The following POLR3K variants were observed in gnomAD, a reference collection of about 807,000 sequenced individuals.
POLR3K encodes RNA polymerase III subunit K, also known as DNA-directed RNA polymerase III subunit RPC10.
A neutral mutation model predicts 13.5 loss-of-function variants in POLR3K; 11 were observed. The observed-to-expected ratio is 0.81, with a 90% CI of 0.51 to 1.35. The LOEUF (loss-of-function observed/expected upper bound fraction) is 1.35. POLR3K is among the 40% of genes most tolerant of loss of function. The pLI is 0.00. For missense variants in POLR3K, 144 were observed against 145.3 expected (o/e 0.99, Z 0.05); for synonymous variants, 56 against 51.5 (o/e 1.09, Z -0.38).
intron 1 of POLR3K, 27 bp from the exon 2 acceptor site, chr16:51,672 A>G: frequency 6.3e-7 from 1 of 1,581,942 alleles, no homozygotes. Context: ...TTCAGACTCC[A>G]AGTAACTGAA....
chr16:50,943 G>A (rs1486947119), intron 2 of POLR3K, among the ~76,000 whole-genome samples: 5 of 152,194 alleles, frequency 3.3e-5, no homozygotes, highest in African/African-American at 9.6e-5. Flanking sequence ...GTGCGAGCAG[G>A]GGAAACGCAA....
At chr16:48,385 T>C (rs73493067) in intron 2 of POLR3K, among the ~76,000 whole-genome samples, 1,642 of 152,290 alleles carry the variant, frequency 0.011, 30 homozygotes, top group African/African-American at 0.037. Flanking sequence ...GAAGGCTGGT[T>C]GGAAACGTAA....
chr16:50,617 G>T (rs1282437948), intron 2 of POLR3K, among the ~76,000 whole-genome samples: 3 of 151,876 alleles, frequency 2.0e-5, no homozygotes, highest in African/African-American at 7.3e-5. Context: ...CTGCCTCCTG[G>T]GTTCAAGCAA....
rs139574894 is a variant in POLR3K, at chr16:51,584, G to T, written c.173C>A (p.Ala58Asp). 1 of 1,613,892 alleles carries T rather than the reference G, an allele frequency of 6.2e-7. No homozygotes were observed. Among genetic ancestry groups the T allele is most frequent in the African/African-American group, 1.3e-5 (1 of 74,886 alleles). The part of the protein sequence containing the change: ...EVDDVLGGAA[A>D]WENVDSTAES... ...TGCAGTAGAGTCAACATTCTCCCAG[G>T]CAGCTGCTCCACCAAGCACATCATC... Residue 58 changes from alanine (A) to aspartate (D), a missense_variant, in exon 2 of 3, where the codon GCC becomes GAC. By Grantham distance (126) the Ala-to-Asp change is moderately radical (BLOSUM62 -2). Coordinates refer to ENST00000293860, the MANE Select transcript of POLR3K (RefSeq NM_016310.5).
chr16:51,689 A>T, intron 1 of POLR3K, 44 bp from the exon 2 acceptor site: 2 of 1,522,622 alleles, frequency 1.3e-6, no homozygotes, highest in Non-Finnish European at 1.8e-6. Context: ...TGAATAGCGC[A>T]AACCTGGGCT....
Position 51,813 on chromosome 16 carries a change from G to A in POLR3K, c.112-168C>T, listed in dbSNP as rs191798198. On this transcript the variant is annotated intron_variant, in intron 1 of 2. Coordinates refer to ENST00000293860, the MANE Select transcript of POLR3K (RefSeq NM_016310.5). The stretch of plus-strand genomic sequence containing the variant: ...AGACGGGCGGATCACGAGGTCAAGA[G>A]ATCGAGACCATCCTGGCTAACACGG... The A allele has an allele frequency of 1.7e-4, 95 of 557,126 alleles. 1 individual carries two copies. The highest frequency in any genetic ancestry group is 9.6e-4 in the Middle Eastern group (2 of 2,074). The allele number at this position is 557,126 out of a possible 1,614,324, so 34.5% of individuals were successfully genotyped here.
intron 2 of POLR3K, among the ~76,000 whole-genome samples, chr16:48,955 C>T (rs1897307798): frequency 6.7e-6 from 1 of 149,706 alleles, no homozygotes; most frequent in African/African-American, 2.5e-5. Context: ...AGGTCAAGAC[C>T]AGCCTAGCCA....
chr16:52,519 C>A (rs1229988714), intron 1 of POLR3K, among the ~76,000 whole-genome samples: 1 of 142,048 alleles, frequency 7.0e-6, no homozygotes, highest in African/African-American at 2.6e-5. Flanking sequence ...CCTGTAATCC[C>A]AGCACTTTGG....
chr16:53,129 C>G (rs1158847645), intron 1 of POLR3K: 18 of 264,412 alleles, frequency 6.8e-5, no homozygotes, highest in Non-Finnish European at 1.3e-4. Flanking sequence ...ACCTGGTAGG[C>G]CCTGGGAGAA....
At chr16:52,621 C>T (rs1397896659) in intron 1 of POLR3K, among the ~76,000 whole-genome samples, 1 of 150,940 alleles carries the variant, frequency 6.6e-6, no homozygotes, top group African/African-American at 2.4e-5. Flanking sequence ...AAAAAATCAG[C>T]CAGGGGTGGT....
Position 46,517 on chromosome 16 carries a change from G to A in POLR3K, c.*913C>T, listed in dbSNP as rs1351790884. On this transcript the variant is annotated 3_prime_UTR_variant, in exon 3 of 3. Transcript: ENST00000293860. ...AGGCAGACAGATTATCTGAGGTCAGGAGTTGGAGACCAGCCCGACCAACAT... is the reference window on the plus strand; with the variant it reads ...AGGCAGACAGATTATCTGAGGTCAGAAGTTGGAGACCAGCCCGACCAACAT... The A allele has an allele frequency of 6.6e-6, 1 of 152,130 alleles. No individual in the cohort carries two copies. The allele number at this position is 152,130 out of a possible 1,614,324, so 9.4% of individuals were successfully genotyped here.
Position 51,606 on chromosome 16 carries a change from C to T in POLR3K, c.151G>A (p.Asp51Asn), listed in dbSNP as rs765211368. ...RKYPKLKEVD[D>N]VLGGAAAWEN... ...CAGGCAGCTGCTCCACCAAGCACATCATCCACTTCTTTCAGTTTTGGGTAC... is the reference window on the plus strand; with the variant it reads ...CAGGCAGCTGCTCCACCAAGCACATTATCCACTTCTTTCAGTTTTGGGTAC... Residue 51 changes from aspartate to asparagine, a missense_variant, in exon 2 of 3, where the codon GAT becomes AAT. Physicochemically the swap from Asp to Asn is conservative, Grantham distance 23. Transcript: ENST00000293860. 6.2e-7 allele frequency: 1 copy of T among 1,614,072 alleles called. No individual in the cohort carries two copies. The highest frequency in any genetic ancestry group is 8.5e-7 in the Non-Finnish European group (1 of 1,180,022).
Position 53,502 on chromosome 16 carries a change from G to C in POLR3K, c.85C>G (p.Pro29Ala). ...RCHRFACNTC[P>A]YVHNITRKVT... ...TTGCGGGTGATGTTGTGCACGTAGGGGCACGTGTTGCAGGCGAAGCGGTGG... is the reference window on the plus strand; with the variant it reads ...TTGCGGGTGATGTTGTGCACGTAGGCGCACGTGTTGCAGGCGAAGCGGTGG... The change falls in exon 1 of 3, where the codon CCC becomes GCC. Residue 29 changes from proline to alanine, a missense_variant. Coordinates refer to ENST00000293860, the MANE Select transcript of POLR3K (RefSeq NM_016310.5). 6.2e-7 allele frequency: 1 copy of C among 1,612,860 alleles called. No homozygotes were observed. The highest frequency in any genetic ancestry group is 2.2e-5 in the East Asian group (1 of 44,690).
intron 1 of POLR3K, among the ~76,000 whole-genome samples, chr16:52,635 G>T (rs1288594327): frequency 6.7e-6 from 1 of 149,046 alleles, no homozygotes; most frequent in Non-Finnish European, 1.5e-5. Context: ...GGGTGGTGGC[G>T]GACGCCTGTA....
intron 1 of POLR3K, 167 bp downstream of exon 1, chr16:53,309 T>C (rs1897360057): frequency 7.7e-7 from 1 of 1,296,246 alleles, no homozygotes; most frequent in Non-Finnish European, 1.0e-6. Flanking sequence ...TGGGGCTTTC[T>C]GAGTGTATTG....
chr16:53,599 C>T lies in POLR3K; in HGVS notation c.-13G>A, dbSNP rs757760786. The T allele has an allele frequency of 7.5e-6, 12 of 1,603,084 alleles. No individual in the cohort carries two copies. Among genetic ancestry groups the T allele is most frequent in the Non-Finnish European group, 1.0e-5 (12 of 1,175,094 alleles). The stretch of plus-strand genomic sequence containing the variant: ...AGAACAGCAGCATGGTCTCGAACTC[C>T]GCAGGCTCCAACTCCCGGCAGCTCC... On this transcript the variant is annotated 5_prime_UTR_variant, in exon 1 of 3. Transcript: ENST00000293860.
chr16:50,460 G>A (rs1032415987), intron 2 of POLR3K, among the ~76,000 whole-genome samples: 3 of 152,146 alleles, frequency 2.0e-5, no homozygotes, highest in South Asian at 2.1e-4. Context: ...TATTAGAAGC[G>A]TGTATTAGTC....
At chr16:49,738 C>A (rs1449831454) in intron 2 of POLR3K, among the ~76,000 whole-genome samples, 1 of 151,404 alleles carries the variant, frequency 6.6e-6, no homozygotes, top group African/African-American at 2.4e-5. Flanking sequence ...CTCACAGGTT[C>A]AAGCGATTCT....
At chr16:49,617 G>A (rs559586283) in intron 2 of POLR3K, among the ~76,000 whole-genome samples, 24 of 150,758 alleles carry the variant, frequency 1.6e-4, no homozygotes, top group Non-Finnish European at 2.4e-4. Context: ...CTACAGGCAC[G>A]CGCCACTGAG....
Sources: allele counts gnomAD v4.1 joint callset (sites outside exome capture counted in the v4.1 genomes callset), GRCh38; gene constraint gnomAD v4.1.1; transcripts MANE v1.5; gene names NCBI Gene and HGNC (gene_info 2026-07-23, HGNC 2026-07-21).